Variants in TEX2 observed in about 807,000 individuals in gnomAD.
The protein encoded by TEX2 is testis-expressed protein 2.
Under a neutral mutation model 106.9 loss-of-function variants are expected in TEX2, and 53 were observed. The observed-to-expected ratio is 0.50, with a 90% CI of 0.40 to 0.62. TEX2 has a LOEUF of 0.62. TEX2 is among the 20% of genes least tolerant of loss of function. The probability of loss-of-function intolerance (pLI) is 0.00; values close to 1 mark genes in which losing one functional copy is unlikely to be tolerated. For synonymous variants in TEX2, 523 were observed against 534.8 expected, an observed-to-expected ratio of 0.98 and a Z score of 0.30; for missense variants, 1,207 against 1,379.0, an observed-to-expected ratio of 0.88 and a Z score of 1.98.
rs1474467922 is a variant in TEX2, at chr17:64,188,081, C to CCA, written c.2424+85_2424+86dup. 4.1e-6 allele frequency: 6 copies of CCA among 1,478,626 alleles called. No homozygotes were observed. The African/African-American group carries it at 6.9e-5, about 17-fold the overall frequency. The allele number at this position is 1,478,626 out of a possible 1,614,324, so 91.6% of individuals were successfully genotyped here. ...TTGTGTACCACTGTTATCCCAGTGCCCACAACAGGGCTTCGGAGCACTTAC... is the reference window on the plus strand; with the variant it reads ...TTGTGTACCACTGTTATCCCAGTGCCCACACAACAGGGCTTCGGAGCACTTAC... On this transcript the variant is annotated intron_variant, in intron 5 of 11. Coordinates refer to ENST00000584379, the MANE Select transcript of TEX2 (RefSeq NM_001288732.2).
chr17:64,211,836 C>CA (rs1212348985), intron 2 of TEX2, among the ~76,000 whole-genome samples: 1 of 151,940 alleles, frequency 6.6e-6, no homozygotes, highest in Non-Finnish European at 1.5e-5. Context: ...TTTTAATATG[C>CA]AAAAAAATAA....
chr17:64,213,120 T>A lies in TEX2; in HGVS notation c.1098A>T (p.Arg366Ser). 6.2e-7 allele frequency: 1 copy of A among 1,614,230 alleles called. No individual in the cohort carries two copies. Among genetic ancestry groups the A allele is most frequent in the Non-Finnish European group, 8.5e-7 (1 of 1,180,040 alleles). The change falls in exon 2 of 12, where the codon AGA (arginine) becomes AGT (serine). Residue 366 changes from arginine (R) to serine (S), a missense_variant. Physicochemically the swap from Arg to Ser is moderately radical, Grantham distance 110 (BLOSUM62 -1). Around this residue, in one of 3 missense-constraint regions of TEX2, gnomAD observed 1,067 missense variants for 1,193.6 expected, o/e 0.89. Transcript: ENST00000584379. This position sits in a 1 kb window ranked among gnomAD's most constrained non-coding sequence, Gnocchi z 4.4. ...CACCAGTGGACTTTGGGTGGTCACTTCTGGGGATGTTGGAATCACTTCCGT... is the reference window on the plus strand; with the variant it reads ...CACCAGTGGACTTTGGGTGGTCACTACTGGGGATGTTGGAATCACTTCCGT... Reference protein sequence around the residue: ...DGYGSDSNIPRSDHPKSTGEP... With the variant: ...DGYGSDSNIPSSDHPKSTGEP...
At chr17:64,199,004 T>C (rs961316414) in intron 2 of TEX2, among the ~76,000 whole-genome samples, 1 of 152,124 alleles carries the variant, frequency 6.6e-6, no homozygotes, top group African/African-American at 2.4e-5. Flanking sequence ...CTCTGAGAAA[T>C]AGAGTAAAGT....
chr17:64,241,523 T>C (rs2033888734), intron 1 of TEX2, among the ~76,000 whole-genome samples: 1 of 152,232 alleles, frequency 6.6e-6, no homozygotes, highest in East Asian at 1.9e-4. Context: ...AAATTTGTTG[T>C]AGTAAAAATA....
chr17:64,256,241 A>C (rs1401978669), intron 1 of TEX2: 1 of 152,282 alleles, frequency 6.6e-6, no homozygotes, highest in East Asian at 1.9e-4. Context: ...AGAGTCAGCA[A>C]ACCCTACCCA....
rs191569138 is a variant in TEX2, at chr17:64,222,752, G to A, written c.-25-8510C>T. Among the ~76,000 whole-genome samples the A allele has an allele frequency of 1.4e-4, 21 of 146,270 alleles. No homozygotes were observed. The East Asian group carries it at 3.9e-3, about 27-fold the overall frequency. On this transcript the variant is annotated intron_variant, in intron 1 of 11. Coordinates refer to ENST00000584379, the MANE Select transcript of TEX2 (RefSeq NM_001288732.2). ...TTCAAAAACTTCACATTGTTCTTTA[G>A]TGTTTACACTACAGTGTGGTTAAGT...
intron 5 of TEX2, among the ~76,000 whole-genome samples, chr17:64,179,139 C>A (rs970270324): frequency 3.3e-5 from 5 of 152,172 alleles, no homozygotes; most frequent in African/African-American, 1.2e-4. Context: ...AATTTTCTTA[C>A]AAGAGGATTG....
At chr17:64,236,015 C>A (rs1477068982) in intron 1 of TEX2, among the ~76,000 whole-genome samples, 2 of 152,100 alleles carry the variant, frequency 1.3e-5, no homozygotes, top group Non-Finnish European at 2.9e-5. Context: ...TTTACACTGG[C>A]CACCTTGGGC....
intron 2 of TEX2, among the ~76,000 whole-genome samples, chr17:64,200,827 G>C (rs188096994): frequency 1.4e-3 from 212 of 152,104 alleles, no homozygotes; most frequent in Middle Eastern, 3.4e-3. Context: ...TTCTGCTTGG[G>C]CTTGGCTTGG....
In TEX2 at chr17:64,148,091, A is replaced by G. The variant is rs2030143392; in HGVS notation, c.*878T>C. ...GGAAATCTGCCCATGGAACTCTCCC[A>G]ATCAGATTAACAAACTGTTTCGATT... is the stretch of plus-strand genomic sequence containing the variant. On this transcript the variant is annotated 3_prime_UTR_variant, in exon 12 of 12. Transcript: ENST00000584379. 1 of 152,492 alleles carries G rather than the reference A, an allele frequency of 6.6e-6. No individual in the cohort carries two copies. Among genetic ancestry groups the G allele is most frequent in the African/African-American group, 2.4e-5 (1 of 41,456 alleles). The allele number at this position is 152,492 out of a possible 1,614,324, so 9.4% of individuals were successfully genotyped here. A position where few individuals can be genotyped will look rare whatever the true frequency, so the allele number is the denominator to read the frequency against.
chr17:64,232,372 T>G (rs995571648), intron 1 of TEX2, among the ~76,000 whole-genome samples: 1 of 152,236 alleles, frequency 6.6e-6, no homozygotes, highest in Non-Finnish European at 1.5e-5. Context: ...TGTTTTTCAA[T>G]ATTCTTACAT....
intron 1 of TEX2, among the ~76,000 whole-genome samples, chr17:64,223,936 G>A (rs2033436700): frequency 6.6e-6 from 1 of 152,076 alleles, no homozygotes; most frequent in African/African-American, 2.4e-5. Flanking sequence ...AGGAGGCCGA[G>A]GCAGGTAACA....
Position 64,153,289 on chromosome 17 carries a change from G to C in TEX2, c.2931-135C>G. Reference sequence around the variant, plus strand: ...ATGTGGTGATTCTGTGTTGGGGCGGGGGGCATCCTGTGCATTGCAGGGTGT... The same window carrying C: ...ATGTGGTGATTCTGTGTTGGGGCGGCGGGCATCCTGTGCATTGCAGGGTGT... On this transcript the variant is annotated intron_variant, in intron 9 of 11. Transcript: ENST00000584379. The surrounding 1 kb of genome is among the most constrained non-coding windows in gnomAD (Gnocchi z 4.1). 6.0e-6 allele frequency: 4 copies of C among 663,456 alleles called. No homozygotes were observed. The highest frequency in any genetic ancestry group is 5.2e-6 in the Non-Finnish European group (2 of 382,352). 41.1% of individuals were successfully genotyped at this position (663,456 alleles called of 1,614,324 possible). A position where few individuals can be genotyped will look rare whatever the true frequency, so the allele number is the denominator to read the frequency against.
intron 5 of TEX2, among the ~76,000 whole-genome samples, chr17:64,182,907 GTGTT>G (rs2143823162): frequency 6.9e-6 from 1 of 145,236 alleles, no homozygotes; most frequent in South Asian, 2.2e-4. Flanking sequence ...CACTTTTGTT[GTGTT>G]TTTTTTTTTT....
At chr17:64,255,628 G>C (rs1175137340) in intron 1 of TEX2, 1 of 152,056 alleles carries the variant, frequency 6.6e-6, no homozygotes, top group Non-Finnish European at 1.5e-5. Context: ...ATTTGATGAG[G>C]CCTCACACAT....
At chr17:64,160,771 G>T (rs747615521) in intron 8 of TEX2, 30 bp downstream of exon 8, 6 of 1,611,456 alleles carry the variant, frequency 3.7e-6, no homozygotes, top group Non-Finnish European at 5.1e-6. Context: ...CCCCAGGATT[G>T]GATTAGTAAA....
chr17:64,179,216 G>T (rs913257555), intron 5 of TEX2, among the ~76,000 whole-genome samples: 1 of 152,156 alleles, frequency 6.6e-6, no homozygotes. Context: ...CAAAAGGATT[G>T]TAAAATGCAC....
chr17:64,184,023 A>T (rs1298703205), intron 5 of TEX2, among the ~76,000 whole-genome samples: 1 of 152,164 alleles, frequency 6.6e-6, no homozygotes, highest in Non-Finnish European at 1.5e-5. Context: ...ATGACTAATG[A>T]TACTGAGCAT....
chr17:64,250,674 C>T (rs1163901049), intron 1 of TEX2, among the ~76,000 whole-genome samples: 3 of 152,054 alleles, frequency 2.0e-5, no homozygotes, highest in African/African-American at 7.2e-5. Context: ...ACTTGCTCCC[C>T]TCTCACTTTT....
Sources: allele counts gnomAD v4.1 joint callset (sites outside exome capture counted in the v4.1 genomes callset), GRCh38; gene constraint gnomAD v4.1.1; regional missense constraint gnomAD v4.1.1; non-coding constraint Gnocchi (gnomAD v3.1); transcripts MANE v1.5; gene names NCBI Gene and HGNC (gene_info 2026-07-23, HGNC 2026-07-21).